The following DZIP3 variants were observed in gnomAD, a reference collection of about 807,000 sequenced individuals.
The protein encoded by DZIP3 is E3 ubiquitin-protein ligase DZIP3.
Under a neutral mutation model 162.0 loss-of-function variants are expected in DZIP3, and 118 were observed. That is an observed-to-expected ratio of 0.73 (90% CI 0.63 to 0.85). The LOEUF (loss-of-function observed/expected upper bound fraction) is 0.85. Among genes scored for constraint, DZIP3 ranks in the 40% least tolerant of loss-of-function variants. DZIP3 has a pLI of 0.00. For synonymous variants in DZIP3, 438 were observed against 458.6 expected (o/e 0.96, Z 0.57); for missense variants, 1,331 against 1,407.0 (o/e 0.95, Z 0.86).
At chr3:108,678,880 A>T (rs1944206587) in intron 26 of DZIP3, among the ~76,000 whole-genome samples, 1 of 152,092 alleles carries the variant, frequency 6.6e-6, no homozygotes, top group African/African-American at 2.4e-5. Context: ...ATTTGTATGG[A>T]GTTACACTGT....
intron 1 of DZIP3, among the ~76,000 whole-genome samples, chr3:108,603,856 C>T (rs1940169837): frequency 6.6e-6 from 1 of 152,076 alleles, no homozygotes. Flanking sequence ...TTCTTTTAGT[C>T]CTTATACCAG....
chr3:108,673,720 T>C (rs1310061260), intron 23 of DZIP3, among the ~76,000 whole-genome samples: 1 of 151,986 alleles, frequency 6.6e-6, no homozygotes, highest in African/African-American at 2.4e-5. Flanking sequence ...GTTAGAATTA[T>C]CAGAGAGCTT....
chr3:108,659,188 A>G (rs1308223269), intron 19 of DZIP3, among the ~76,000 whole-genome samples: 3 of 152,190 alleles, frequency 2.0e-5, no homozygotes, highest in Non-Finnish European at 4.4e-5. Flanking sequence ...AGACATAACA[A>G]AAAAAGAGAA....
At chr3:108,653,505 GTGTATA>G (rs60751137) in intron 18 of DZIP3, among the ~76,000 whole-genome samples, 25,658 of 67,788 alleles carry the variant, frequency 0.38, 2,820 homozygotes, top group East Asian at 0.5. Flanking sequence ...TTGTGTGTGT[GTGTATA>G]TATATATATA....
chr3:108,636,513 C>A, intron 10 of DZIP3, 103 bp from the exon 11 acceptor site: 1 of 678,956 alleles, frequency 1.5e-6, no homozygotes, highest in Non-Finnish European at 2.3e-6. Flanking sequence ...TTCCAGTTTA[C>A]TGTCTAGCAA....
At chr3:108,603,349 A>G (rs1339434252) in intron 1 of DZIP3, 2 of 152,246 alleles carry the variant, frequency 1.3e-5, no homozygotes, top group East Asian at 3.8e-4. Context: ...GTCTTTTTCT[A>G]TACAGCTTTA....
intron 21 of DZIP3, among the ~76,000 whole-genome samples, chr3:108,664,645 C>G (rs981269913): frequency 6.6e-6 from 1 of 152,222 alleles, no homozygotes; most frequent in African/African-American, 2.4e-5. Flanking sequence ...GTTGGTATTC[C>G]CTTTTCCCCC....
intron 5 of DZIP3, among the ~76,000 whole-genome samples, chr3:108,620,341 GTGTT>G (rs1177035796): frequency 1.3e-5 from 2 of 152,186 alleles, no homozygotes; most frequent in East Asian, 3.8e-4. Flanking sequence ...ATAAATCATA[GTGTT>G]TGCACAAATA....
At chr3:108,660,196 C>A (rs534627013) in intron 19 of DZIP3, among the ~76,000 whole-genome samples, 2 of 152,094 alleles carry the variant, frequency 1.3e-5, no homozygotes, top group African/African-American at 4.8e-5. Flanking sequence ...TCCTAAGGCA[C>A]AAGAACAAAG....
At position 108,605,345 on chromosome 3, in the gene DZIP3, C is replaced by A. The variant is rs77113251; in HGVS notation, c.-62C>A. On this transcript the variant is annotated 5_prime_UTR_variant, in exon 2 of 33. Coordinates refer to ENST00000361582, the MANE Select transcript of DZIP3 (RefSeq NM_014648.4). Reference sequence around the variant, plus strand: ...TTATTTTCCTTACAGCATTAAAGGGCAGTATTTAAAGTCAGTTGGCAAGCA... The same window carrying A: ...TTATTTTCCTTACAGCATTAAAGGGAAGTATTTAAAGTCAGTTGGCAAGCA... 1.2e-6 allele frequency: 2 copies of A among 1,600,176 alleles called. No individual in the cohort carries two copies. The highest frequency in any genetic ancestry group is 1.7e-6 in the Non-Finnish European group (2 of 1,168,622).
At position 108,686,673 on chromosome 3, in the gene DZIP3, C is replaced by T. The variant is rs560435301; in HGVS notation, c.3149+89C>T. 1.5e-5 allele frequency: 20 copies of T among 1,342,382 alleles called. No homozygotes were observed. The African/African-American group carries it at 2.4e-4, about 16-fold the overall frequency. The allele number at this position is 1,342,382 out of a possible 1,614,324, so 83.2% of individuals were successfully genotyped here. ...GTGGCAATGAAACATTTCAGAGAAA[C>T]ATAACAAACACAAAAAAAGTACAGA... On this transcript the variant is annotated intron_variant, in intron 28 of 32. Transcript: ENST00000361582.
intron 21 of DZIP3, among the ~76,000 whole-genome samples, chr3:108,665,120 A>G (rs1436159661): frequency 2.0e-5 from 3 of 152,206 alleles, no homozygotes; most frequent in Non-Finnish European, 2.9e-5. Flanking sequence ...TTCAGACAAG[A>G]AAGGCAAAAG....
intron 1 of DZIP3, among the ~76,000 whole-genome samples, chr3:108,590,513 G>A (rs1939333292): frequency 6.6e-6 from 1 of 152,216 alleles, no homozygotes; most frequent in African/African-American, 2.4e-5. Flanking sequence ...TGGGTAGCTT[G>A]TGTGTTCATT....
intron 5 of DZIP3, among the ~76,000 whole-genome samples, chr3:108,622,880 C>CTGTGTG (rs1553703883): frequency 0.064 from 3,388 of 52,790 alleles, 372 homozygotes; most frequent in South Asian, 0.13. Context: ...CTCTCTCTCT[C>CTGTGTG]TGTGTGTGTG....
intron 14 of DZIP3, among the ~76,000 whole-genome samples, chr3:108,645,768 C>T (rs1348664865): frequency 6.6e-6 from 1 of 152,158 alleles, no homozygotes; most frequent in Non-Finnish European, 1.5e-5. Flanking sequence ...TTTACTAAGG[C>T]TCTGGAATAC....
chr3:108,592,856 A>G (rs1407852541), intron 1 of DZIP3, among the ~76,000 whole-genome samples: 2 of 152,086 alleles, frequency 1.3e-5, no homozygotes, highest in Non-Finnish European at 2.9e-5. Flanking sequence ...CTTTCTGCCT[A>G]TATATCATCT....
intron 18 of DZIP3, among the ~76,000 whole-genome samples, chr3:108,651,719 G>A (rs940974098): frequency 6.6e-6 from 1 of 151,480 alleles, no homozygotes; most frequent in Non-Finnish European, 1.5e-5. Flanking sequence ...CATTTTAATG[G>A]CAAAATAATC....
At chr3:108,589,655 T>C, upstream of DZIP3, 1 of 302,068 alleles carries the variant, frequency 3.3e-6, no homozygotes, top group Non-Finnish European at 6.2e-6. Context: ...CGGCCTGAGA[T>C]CCCGTGAAGG....
At chr3:108,593,202 A>C (rs1451437906) in intron 1 of DZIP3, among the ~76,000 whole-genome samples, 4 of 152,206 alleles carry the variant, frequency 2.6e-5, no homozygotes, top group African/African-American at 9.6e-5. Context: ...ACACTTATTG[A>C]GCATTTGCCA....
Sources: gnomAD v4.1 joint callset for allele counts (sites outside exome capture counted in the v4.1 genomes callset) on GRCh38, gnomAD v4.1.1 for gene constraint, MANE v1.5 for transcripts, NCBI Gene and HGNC (gene_info 2026-07-23, HGNC 2026-07-21) for gene names.